SPAG16: variants seen among roughly 807,000 people sequenced by gnomAD.
SPAG16 encodes the protein sperm-associated antigen 16 protein.
SPAG16 carries 86 observed loss-of-function variants against 80.4 expected under a neutral mutation model. The observed-to-expected ratio is 1.07, with a 90% CI of 0.90 to 1.28. The LOEUF (loss-of-function observed/expected upper bound fraction) is 1.28. SPAG16 is among the 50% of genes most tolerant of loss of function. The pLI, the probability that SPAG16 is intolerant of heterozygous loss-of-function variation, is 0.00. For missense variants in SPAG16, 870 were observed against 765.3 expected, an observed-to-expected ratio of 1.14 and a Z score of -1.61; for synonymous variants, 294 against 265.9, an observed-to-expected ratio of 1.11 and a Z score of -1.03.
At chr2:214,235,047 A>G (rs1688982163) in intron 15 of SPAG16, among the ~76,000 whole-genome samples, 1 of 152,158 alleles carries the variant, frequency 6.6e-6, no homozygotes, top group Non-Finnish European at 1.5e-5. Flanking sequence ...CCTCTTGAAA[A>G]TAATTTGGAA....
chr2:213,297,415 G>A, intron 3 of SPAG16, 58 bp downstream of exon 3: 2 of 1,025,084 alleles, frequency 2.0e-6, no homozygotes, highest in East Asian at 2.5e-5. Context: ...TTTATATGAA[G>A]TTTGGAAAGT....
At chr2:214,367,927 A>G (rs1699585738) in intron 15 of SPAG16, among the ~76,000 whole-genome samples, 1 of 152,106 alleles carries the variant, frequency 6.6e-6, no homozygotes, top group Admixed American at 6.6e-5. Context: ...TTTTCCCCCA[A>G]TTCTCTGACC....
chr2:213,564,701 A>T (rs893405481), intron 10 of SPAG16, among the ~76,000 whole-genome samples: 3 of 152,152 alleles, frequency 2.0e-5, no homozygotes, highest in African/African-American at 4.8e-5. Context: ...TTTATTGAAC[A>T]TGTCTCATGT....
intron 10 of SPAG16, among the ~76,000 whole-genome samples, chr2:213,503,115 A>G (rs2074813274): frequency 1.3e-5 from 2 of 152,208 alleles, no homozygotes; most frequent in Admixed American, 1.3e-4. Flanking sequence ...CTGTTTATGT[A>G]TCTTGGACTT....
At chr2:213,559,622 T>C (rs1163412271) in intron 10 of SPAG16, among the ~76,000 whole-genome samples, 1 of 152,150 alleles carries the variant, frequency 6.6e-6, no homozygotes, top group African/African-American at 2.4e-5. Flanking sequence ...TTAATTTTAG[T>C]TACTCTTACA....
intron 10 of SPAG16, among the ~76,000 whole-genome samples, chr2:213,564,880 A>G (rs1243495321): frequency 1.3e-5 from 2 of 152,218 alleles, no homozygotes; most frequent in African/African-American, 4.8e-5. Flanking sequence ...CTAAATGACA[A>G]GAGCCAAGAT....
At chr2:214,257,611 T>C (rs370063360) in intron 15 of SPAG16, among the ~76,000 whole-genome samples, 16 of 152,094 alleles carry the variant, frequency 1.1e-4, no homozygotes, top group African/African-American at 3.4e-4. Flanking sequence ...TTCTTATTTA[T>C]TCTCTTAATA....
At chr2:214,034,258 A>G (rs900272583) in intron 13 of SPAG16, among the ~76,000 whole-genome samples, 7 of 152,230 alleles carry the variant, frequency 4.6e-5, no homozygotes, top group African/African-American at 1.7e-4. Flanking sequence ...TCACTTGGTT[A>G]TGGTAGACTC....
chr2:214,352,508 C>G (rs1318096379), intron 15 of SPAG16, among the ~76,000 whole-genome samples: 2 of 141,808 alleles, frequency 1.4e-5, no homozygotes, highest in Non-Finnish European at 3.0e-5. Context: ...AGCCTCAGAG[C>G]TGTAACATTT....
intron 15 of SPAG16, among the ~76,000 whole-genome samples, chr2:214,243,417 T>A (rs1030837769): frequency 6.6e-6 from 1 of 152,098 alleles, no homozygotes; most frequent in Non-Finnish European, 1.5e-5. Flanking sequence ...GAGTCAGGGC[T>A]CATAAAATTT....
At chr2:213,983,158 T>A (rs1220772294) in intron 12 of SPAG16, among the ~76,000 whole-genome samples, 1 of 151,980 alleles carries the variant, frequency 6.6e-6, no homozygotes, top group Non-Finnish European at 1.5e-5. Context: ...TTTTTGCTTA[T>A]GATTTGTAAA....
At chr2:213,747,295 CAG>C (rs1313810493) in intron 10 of SPAG16, among the ~76,000 whole-genome samples, 2 of 152,186 alleles carry the variant, frequency 1.3e-5, no homozygotes, top group African/African-American at 2.4e-5. Flanking sequence ...AAGAACAAAA[CAG>C]ATTTTAAAAA....
chr2:214,061,548 T>G (rs2050256556), intron 13 of SPAG16, among the ~76,000 whole-genome samples: 1 of 152,142 alleles, frequency 6.6e-6, no homozygotes, highest in Non-Finnish European at 1.5e-5. Flanking sequence ...GATGCAGAAT[T>G]TTCTCTTACA....
chr2:213,825,489 T>C (rs1413013945), intron 10 of SPAG16, among the ~76,000 whole-genome samples: 2 of 152,078 alleles, frequency 1.3e-5, no homozygotes, highest in Non-Finnish European at 2.9e-5. Context: ...GATCATATGG[T>C]TTTTTTCCTT....
chr2:213,637,779 A>T (rs1007157458), intron 10 of SPAG16, among the ~76,000 whole-genome samples: 1 of 152,004 alleles, frequency 6.6e-6, no homozygotes, highest in Admixed American at 6.6e-5. Context: ...TGTTTTTGAG[A>T]TGAAGTCTCA....
At chr2:213,753,478 T>C (rs2068178618) in intron 10 of SPAG16, among the ~76,000 whole-genome samples, 1 of 152,226 alleles carries the variant, frequency 6.6e-6, no homozygotes, top group South Asian at 2.1e-4. Context: ...GCAATTTTAA[T>C]ATATGTATGA....
intron 10 of SPAG16, among the ~76,000 whole-genome samples, chr2:213,753,117 A>G (rs1291422640): frequency 1.3e-5 from 2 of 152,234 alleles, no homozygotes; most frequent in Non-Finnish European, 2.9e-5. Context: ...GGTTCATGCC[A>G]TTCTCCTGCC....
chr2:213,988,396 G>A (rs1385445746), intron 12 of SPAG16, among the ~76,000 whole-genome samples: 1 of 152,082 alleles, frequency 6.6e-6, no homozygotes, highest in African/African-American at 2.4e-5. Context: ...ATCTTACAGA[G>A]TATGTTTCCT....
chr2:213,624,301 C>G (rs193182850), intron 10 of SPAG16, among the ~76,000 whole-genome samples: 7 of 152,020 alleles, frequency 4.6e-5, no homozygotes, highest in African/African-American at 1.7e-4. Context: ...ATTTAGGAGA[C>G]ACATTAATCT....
Sources: allele counts gnomAD v4.1 joint callset (sites outside exome capture counted in the v4.1 genomes callset), GRCh38; gene constraint gnomAD v4.1.1; transcripts MANE v1.5; gene names NCBI Gene and HGNC (gene_info 2026-07-23, HGNC 2026-07-21).